AASS: variants seen among roughly 807,000 people sequenced by gnomAD.
AASS encodes alpha-aminoadipic semialdehyde synthase, mitochondrial.
In AASS, 86 loss-of-function variants were observed where a neutral mutation model predicts 105.4. That is an observed-to-expected ratio of 0.82 (90% CI 0.69 to 0.98). AASS has a LOEUF of 0.98. AASS is among the 50% of genes least tolerant of loss of function. The probability of loss-of-function intolerance (pLI) is 0.00; values close to 1 mark genes in which losing one functional copy is unlikely to be tolerated. For synonymous variants in AASS, 381 were observed against 394.8 expected, an observed-to-expected ratio of 0.96 and a Z score of 0.41; for missense variants, 1,048 against 1,143.2, an observed-to-expected ratio of 0.92 and a Z score of 1.20.
At chr7:122,087,343 G>A (rs1487258759) in intron 18 of AASS, among the ~76,000 whole-genome samples, 1 of 152,140 alleles carries the variant, frequency 6.6e-6, no homozygotes, top group Admixed American at 6.5e-5. Context: ...TAGGACCACT[G>A]GAGTCTTTTC....
At chr7:122,139,259 G>C (rs1421665873) in intron 1 of AASS, among the ~76,000 whole-genome samples, 3 of 152,014 alleles carry the variant, frequency 2.0e-5, no homozygotes, top group Non-Finnish European at 4.4e-5. Flanking sequence ...AAAATATTTG[G>C]GGGCTACTTA....
intron 2 of AASS, among the ~76,000 whole-genome samples, chr7:122,129,799 G>T (rs1795828442): frequency 6.6e-6 from 1 of 151,966 alleles, no homozygotes; most frequent in African/African-American, 2.4e-5. Flanking sequence ...TTTATAATTT[G>T]GTCATATGCA....
chr7:122,103,339 G>A (rs1299454129), intron 11 of AASS, among the ~76,000 whole-genome samples: 8 of 151,978 alleles, frequency 5.3e-5, no homozygotes, highest in African/African-American at 1.7e-4. Context: ...AAACCTGCCA[G>A]CCAAAAATAC....
At chr7:122,092,685 T>C (rs962615720) in intron 17 of AASS, among the ~76,000 whole-genome samples, 158 bp downstream of exon 17, 7 of 151,882 alleles carry the variant, frequency 4.6e-5, no homozygotes, top group Admixed American at 6.6e-5. Flanking sequence ...GATTGTGCCG[T>C]TGCACTCCAG....
intron 2 of AASS, among the ~76,000 whole-genome samples, chr7:122,132,751 G>A (rs1167633594): frequency 3.3e-5 from 5 of 152,076 alleles, no homozygotes; most frequent in Non-Finnish European, 7.4e-5. Flanking sequence ...CAGATTATTC[G>A]TGCCCAGTAG....
chr7:122,081,284 T>C (rs1793305727), intron 20 of AASS, among the ~76,000 whole-genome samples: 1 of 152,148 alleles, frequency 6.6e-6, no homozygotes, highest in South Asian at 2.1e-4. Context: ...ATGGTATAAG[T>C]TGCTGCGGGA....
intron 11 of AASS, among the ~76,000 whole-genome samples, chr7:122,111,642 G>A (rs1295971319): frequency 2.6e-5 from 4 of 152,136 alleles, no homozygotes; most frequent in South Asian, 2.1e-4. Context: ...GGTGGCTCAC[G>A]CCTGTAATAC....
rs971966657 is a variant in AASS at position 122,073,630 on chromosome 7, G to A, written c.*2859C>T. Among the ~76,000 whole-genome samples, 1 of 152,086 alleles carries A rather than the reference G, an allele frequency of 6.6e-6. No individual in the cohort carries two copies. Among genetic ancestry groups the A allele is most frequent in the Non-Finnish European group, 1.5e-5 (1 of 67,996 alleles). On this transcript the variant is annotated 3_prime_UTR_variant, in exon 24 of 24. Coordinates refer to ENST00000417368, the MANE Select transcript of AASS (RefSeq NM_005763.4). The stretch of plus-strand genomic sequence containing the variant: ...AAACATTCAAAGTATACAATTCAGT[G>A]GTTTTTAGTATATTCAGAGTTGTGC...
At position 122,116,618 on chromosome 7, in the gene AASS, GA is replaced by G. The variant is rs1376097881; in HGVS notation, c.894+14del. On this transcript the variant is annotated intron_variant, in intron 8 of 23. Transcript: ENST00000417368. Reference sequence around the variant, plus strand: ...ATCATAAGCAACCAACTTAAAAGGTGAATATGATACTCACATCAGTATTAAA... The same window carrying G: ...ATCATAAGCAACCAACTTAAAAGGTGATATGATACTCACATCAGTATTAAA... 6.2e-7 allele frequency: 1 copy of G among 1,613,852 alleles called. No individual in the cohort carries two copies. Among genetic ancestry groups the G allele is most frequent in the South Asian group, 1.1e-5 (1 of 91,060 alleles).
At chr7:122,109,011 T>C (rs927243360) in intron 11 of AASS, among the ~76,000 whole-genome samples, 1 of 151,804 alleles carries the variant, frequency 6.6e-6, no homozygotes, top group Non-Finnish European at 1.5e-5. Flanking sequence ...ATATGCCAAC[T>C]GTGAACAATC....
intron 2 of AASS, among the ~76,000 whole-genome samples, chr7:122,132,661 T>G (rs777400299): frequency 1.3e-5 from 2 of 152,194 alleles, no homozygotes; most frequent in Non-Finnish European, 2.9e-5. Flanking sequence ...TCACTTATGT[T>G]GTATTCATGC....
At chr7:122,118,653 G>GTT in intron 4 of AASS, 23 bp from the exon 5 acceptor site, 1 of 1,610,110 alleles carries the variant, frequency 6.2e-7, no homozygotes, top group Non-Finnish European at 8.5e-7. Flanking sequence ...CAGACCAATA[G>GTT]AAAGACTATT....
intron 8 of AASS, among the ~76,000 whole-genome samples, 197 bp from the exon 9 acceptor site, chr7:122,115,419 C>G (rs898242625): frequency 2.0e-5 from 3 of 152,034 alleles, no homozygotes; most frequent in Non-Finnish European, 2.9e-5. Flanking sequence ...TAGAATTACC[C>G]TATGATAGAG....
intron 20 of AASS, among the ~76,000 whole-genome samples, chr7:122,080,771 A>T (rs1249068028): frequency 6.6e-6 from 1 of 152,166 alleles, no homozygotes; most frequent in Non-Finnish European, 1.5e-5. Flanking sequence ...TTCAAAAATA[A>T]TTTTTTAAAG....
intron 11 of AASS, among the ~76,000 whole-genome samples, chr7:122,111,230 A>C (rs1009615425): frequency 6.6e-6 from 1 of 152,198 alleles, no homozygotes; most frequent in African/African-American, 2.4e-5. Flanking sequence ...ATTAATGAAA[A>C]GATAGAAACT....
intron 4 of AASS, among the ~76,000 whole-genome samples, chr7:122,119,545 C>T (rs1341962046): frequency 6.6e-6 from 1 of 152,090 alleles, no homozygotes; most frequent in Non-Finnish European, 1.5e-5. Flanking sequence ...TTCCATGCTC[C>T]TCCATTCCCC....
intron 10 of AASS, 45 bp from the exon 11 acceptor site, chr7:122,113,274 T>G: frequency 6.5e-7 from 1 of 1,547,074 alleles, no homozygotes; most frequent in Non-Finnish European, 8.9e-7. Context: ...AAACATTATT[T>G]GTAAGTTCTG....
At chr7:122,107,359 C>G (rs111989968) in intron 11 of AASS, among the ~76,000 whole-genome samples, 1 of 152,076 alleles carries the variant, frequency 6.6e-6, no homozygotes, top group Non-Finnish European at 1.5e-5. Context: ...AACAGAACTA[C>G]TCTTCAACCC....
chr7:122,121,211 T>G (rs1248776037), intron 4 of AASS, among the ~76,000 whole-genome samples: 1 of 152,156 alleles, frequency 6.6e-6, no homozygotes, highest in Non-Finnish European at 1.5e-5. Flanking sequence ...ATCTTTATCT[T>G]ATTATAGTCA....
Sources: allele counts gnomAD v4.1 joint callset (sites outside exome capture counted in the v4.1 genomes callset), GRCh38; gene constraint gnomAD v4.1.1; transcripts MANE v1.5; gene names NCBI Gene and HGNC (gene_info 2026-07-23, HGNC 2026-07-21).